Variants in PRKG2 observed in about 807,000 individuals in gnomAD.
PRKG2 encodes protein kinase cGMP-dependent 2, also known as cGMP-dependent protein kinase 2.
Under a neutral mutation model 97.2 loss-of-function variants are expected in PRKG2, and 33 were observed. The ratio of observed to expected loss-of-function variants is 0.34; its 90% CI spans 0.26 to 0.45. PRKG2 has a LOEUF of 0.45. Among genes scored for constraint, PRKG2 ranks in the 20% least tolerant of loss-of-function variants. The pLI is 1.00. For missense variants in PRKG2, 638 were observed against 900.0 expected (o/e 0.71, Z 3.73); for synonymous variants, 330 against 321.8 (o/e 1.03, Z -0.27).
In PRKG2 at chr4:81,135,234, T is replaced by A; in HGVS notation, c.1697A>T (p.Tyr566Phe). 2 of 1,613,094 alleles carry A rather than the reference T, an allele frequency of 1.2e-6. No individual in the cohort carries two copies. The highest frequency in any genetic ancestry group is 1.7e-6 in the Non-Finnish European group (2 of 1,179,308). ...GTAGATAATACCTAGTCGATGCAGG[T>A]AATCAAATGCTTCTGTCACACAAGC... ...CVACVTEAFD[Y>F]LHRLGIIYRD... The change falls in exon 14 of 19, where the codon TAC becomes TTC. Residue 566 changes from tyrosine (Y) to phenylalanine (F), a missense_variant. Tyr to Phe is a conservative substitution (Grantham distance 22, BLOSUM62 3). Coordinates refer to ENST00000264399, the MANE Select transcript of PRKG2 (RefSeq NM_006259.3).
At chr4:81,172,536 C>G (rs1750576178) in intron 3 of PRKG2, among the ~76,000 whole-genome samples, 1 of 152,080 alleles carries the variant, frequency 6.6e-6, no homozygotes, top group Admixed American at 6.6e-5. Flanking sequence ...CACTTATTAC[C>G]TGGGCAAAGA....
intron 8 of PRKG2, among the ~76,000 whole-genome samples, chr4:81,151,621 A>AG (rs1299264731): frequency 6.6e-6 from 1 of 152,134 alleles, no homozygotes; most frequent in Non-Finnish European, 1.5e-5. Flanking sequence ...TGAAAACTCT[A>AG]AAGTAGGCAA....
intron 13 of PRKG2, among the ~76,000 whole-genome samples, chr4:81,136,147 G>C: frequency 6.6e-6 from 1 of 152,090 alleles, no homozygotes; most frequent in East Asian, 1.9e-4. Context: ...TATCACAAAA[G>C]TCTCCTCACC....
At chr4:81,107,521 T>A (rs1019480808) in intron 15 of PRKG2, among the ~76,000 whole-genome samples, 1 of 152,064 alleles carries the variant, frequency 6.6e-6, no homozygotes, top group Non-Finnish European at 1.5e-5. Context: ...TATTTATTTA[T>A]CTATTTATTT....
chr4:81,199,603 T>C (rs1440590154), intron 2 of PRKG2, among the ~76,000 whole-genome samples: 2 of 152,190 alleles, frequency 1.3e-5, no homozygotes, highest in Non-Finnish European at 2.9e-5. Context: ...AGGTTTATTG[T>C]GAGGATTAAA....
intron 17 of PRKG2, among the ~76,000 whole-genome samples, chr4:81,102,948 AT>A (rs5859757): frequency 0.044 from 6,675 of 152,270 alleles, 497 homozygotes; most frequent in East Asian, 0.33. Flanking sequence ...AAAAGTGAAC[AT>A]ATCTGTGTAG....
chr4:81,175,678 G>C (rs1240096179), intron 2 of PRKG2: 3 of 152,110 alleles, frequency 2.0e-5, no homozygotes, highest in South Asian at 4.1e-4. Flanking sequence ...AGACAGAACT[G>C]ACATTTCCAA....
At chr4:81,143,505 T>C (rs1341688649) in intron 10 of PRKG2, among the ~76,000 whole-genome samples, 2 of 152,210 alleles carry the variant, frequency 1.3e-5, no homozygotes, top group Non-Finnish European at 2.9e-5. Context: ...TATGTCTAAG[T>C]AATATCCATT....
chr4:81,204,686 G>T lies in PRKG2; in HGVS notation c.362C>A (p.Ala121Glu). 6.2e-7 allele frequency: 1 copy of T among 1,614,172 alleles called. No homozygotes were observed. The highest frequency in any genetic ancestry group is 8.5e-7 in the Non-Finnish European group (1 of 1,180,016). Residue 121 changes from alanine to glutamate, a missense_variant, in exon 2 of 19, where the codon GCA (alanine) becomes GAA (glutamate). Around this residue, in one of 3 missense-constraint regions of PRKG2, gnomAD observed 332 missense variants for 421.7 expected, o/e 0.79. Coordinates refer to ENST00000264399, the MANE Select transcript of PRKG2 (RefSeq NM_006259.3). ...GLVSLHSRRG[A>E]KAGVSAEPTT... is the part of the protein sequence containing the mutation. ...TGGCTCAGCAGACACGCCAGCCTTT[G>T]CTCCCCTCCTGCTATGGAGAGAGAC...
At chr4:81,113,842 C>A (rs563431660) in intron 14 of PRKG2, among the ~76,000 whole-genome samples, 34 of 152,298 alleles carry the variant, frequency 2.2e-4, no homozygotes, top group African/African-American at 8.2e-4. Flanking sequence ...TGTCCACCAA[C>A]AACCAAAGTT....
chr4:81,205,182 G>A, intron 1 of PRKG2, 122 bp from the exon 2 acceptor site: 5 of 613,826 alleles, frequency 8.1e-6, no homozygotes, highest in Non-Finnish European at 1.3e-5. Flanking sequence ...TGTTTGAAAA[G>A]CAATAAACTT....
rs60172833 is a variant in PRKG2, at chr4:81,093,404, C to CA, written c.2127-953dup. On this transcript the variant is annotated intron_variant, in intron 17 of 18. Coordinates refer to ENST00000264399, the MANE Select transcript of PRKG2 (RefSeq NM_006259.3). Reference sequence around the variant, plus strand: ...ACACACACACACACACACACACACACAAGCTTCTTATCCTCCTTCCCTACT... The same window carrying CA: ...ACACACACACACACACACACACACACAAAGCTTCTTATCCTCCTTCCCTACT... Among the ~76,000 whole-genome samples the CA allele has an allele frequency of 6.9e-3, 1,002 of 144,984 alleles. 15 individuals carry two copies. Among genetic ancestry groups the CA allele is most frequent in the African/African-American group, 0.025 (929 of 36,878 alleles).
intron 17 of PRKG2, among the ~76,000 whole-genome samples, chr4:81,095,639 AC>A (rs1414276458): frequency 5.3e-5 from 8 of 152,304 alleles, no homozygotes; most frequent in Admixed American, 3.9e-4. Flanking sequence ...TTTGACACTA[AC>A]CACATTTTAA....
chr4:81,170,984 CTTTTTA>C (rs772597314), intron 4 of PRKG2, among the ~76,000 whole-genome samples: 95 of 151,954 alleles, frequency 6.3e-4, no homozygotes, highest in Admixed American at 1.2e-3. Context: ...CAGAACAAAC[CTTTTTA>C]TTTTTATTTT....
Position 81,204,660 on chromosome 4 carries a change from T to C in PRKG2, c.388A>G (p.Thr130Ala). 1.2e-6 allele frequency: 2 copies of C among 1,614,200 alleles called. No individual in the cohort carries two copies. Among genetic ancestry groups the C allele is most frequent in the Non-Finnish European group, 1.7e-6 (2 of 1,180,036 alleles). Residue 130 changes from threonine (T) to alanine (A), a missense_variant, in exon 2 of 19, where the codon ACA becomes GCA. Around this residue, in one of 3 missense-constraint regions of PRKG2, gnomAD observed 332 missense variants for 421.7 expected, o/e 0.79. Coordinates refer to ENST00000264399, the MANE Select transcript of PRKG2 (RefSeq NM_006259.3). ...TTGTTCAGGTCATAGGTCCGGGTTGTTGGCTCAGCAGACACGCCAGCCTTT... is the reference window on the plus strand; with the variant it reads ...TTGTTCAGGTCATAGGTCCGGGTTGCTGGCTCAGCAGACACGCCAGCCTTT... ...GAKAGVSAEP[T>A]TRTYDLNKPP...
chr4:81,092,478 A>AAGGAAGGAAGGG lies in PRKG2; in HGVS notation c.2127-27_2127-26insCCCTTCCTTCCT, dbSNP rs755216460. On this transcript the variant is annotated intron_variant, in intron 17 of 18. Transcript: ENST00000264399. ...CTGAGAAATGAGAAAGGAAGGAAGGAAGGAAGGAAGGAAGGAAGGAAGGAA... is the reference window on the plus strand; with the variant it reads ...CTGAGAAATGAGAAAGGAAGGAAGGAAGGAAGGAAGGGAGGAAGGAAGGAAGGAAGGAAGGAA... 1.2e-5 allele frequency: 11 copies of AAGGAAGGAAGGG among 884,056 alleles called. No individual in the cohort carries two copies. In the East Asian group the frequency reaches 2.7e-4, roughly 22 times the overall value. The allele number at this position is 884,056 out of a possible 1,614,324, so 54.8% of individuals were successfully genotyped here. A position where few individuals can be genotyped will look rare whatever the true frequency, so the allele number is the denominator to read the frequency against.
intron 11 of PRKG2, 114 bp downstream of exon 11, chr4:81,142,680 G>A: frequency 7.9e-7 from 1 of 1,272,214 alleles, no homozygotes; most frequent in South Asian, 2.1e-5. Context: ...TCAGTTCAAA[G>A]CAACATTTAA....
At chr4:81,144,714 C>T (rs994220896) in intron 9 of PRKG2, among the ~76,000 whole-genome samples, 9 of 150,356 alleles carry the variant, frequency 6.0e-5, no homozygotes, top group South Asian at 4.2e-4. Context: ...CCCATTAACT[C>T]GTCATTTACA....
chr4:81,185,669 C>T (rs1205118149), intron 2 of PRKG2, among the ~76,000 whole-genome samples: 1 of 135,426 alleles, frequency 7.4e-6, no homozygotes, highest in Non-Finnish European at 1.5e-5. Flanking sequence ...ACTTAAAAGA[C>T]ACAGACTTGG....
Sources: gnomAD v4.1 joint callset for allele counts (sites outside exome capture counted in the v4.1 genomes callset) on GRCh38, gnomAD v4.1.1 for gene constraint, gnomAD v4.1.1 regional missense constraint, MANE v1.5 for transcripts, NCBI Gene and HGNC (gene_info 2026-07-23, HGNC 2026-07-21) for gene names.